ZNF268: variants seen among roughly 807,000 people sequenced by gnomAD.
The protein encoded by ZNF268 is zinc finger protein 268.
In ZNF268, 20 loss-of-function variants were observed where a neutral mutation model predicts 29.3. The observed-to-expected ratio is 0.68, with a 90% confidence interval of 0.48 to 0.99. The LOEUF is 0.99. Among genes scored for constraint, ZNF268 ranks in the 50% least tolerant of loss-of-function variants. ZNF268 has a pLI of 0.00. For synonymous variants in ZNF268, 429 were observed against 376.9 expected (o/e 1.14, Z -1.60); for missense variants, 1,240 against 1,121.6 (o/e 1.11, Z -1.51).
chr12:133,182,506 AAGAC>A (rs1317954686), intron 2 of ZNF268, among the ~76,000 whole-genome samples: 1 of 152,168 alleles, frequency 6.6e-6, no homozygotes, highest in Non-Finnish European at 1.5e-5. Context: ...GTGGATAAGA[AAGAC>A]AATGACAAGT....
chr12:133,193,284 G>A (rs1956517991), intron 5 of ZNF268: 2 of 475,646 alleles, frequency 4.2e-6, no homozygotes, highest in Non-Finnish European at 7.5e-6. Flanking sequence ...AGTGAACTAT[G>A]GTTGTGCCAC....
rs1331715035 is a variant in ZNF268 at position 133,204,026 on chromosome 12, T to C, written c.2340T>C (p.Tyr780=). ...GAACTCATGCAGGGGAAAAGCCTTA[T>C]GGGTGCAGTGAATGTGGGAAAGCTT... The part of the protein sequence containing the change: ...HQRTHAGEKP[Y]GCSECGKAFS... Residue 780 remains tyrosine (Y), a synonymous_variant, in exon 6 of 6, where the codon TAT becomes TAC. Transcript: ENST00000536435. 8 of 1,573,710 alleles carry C rather than the reference T, an allele frequency of 5.1e-6. No individual in the cohort carries two copies. The highest frequency in any genetic ancestry group is 8.6e-7 in the Non-Finnish European group (1 of 1,162,598).
In ZNF268 at chr12:133,208,760, G is replaced by T. The variant is rs1956940842; in HGVS notation, c.*4230G>T. On this transcript the variant is annotated 3_prime_UTR_variant, in exon 6 of 6. Coordinates refer to ENST00000536435, the MANE Select transcript of ZNF268 (RefSeq NM_003415.3). Reference sequence around the variant, plus strand: ...ATGTGAGGAATTAGGGATGGGTGCAGAAACAACTGCCATGAATTGGAGATG... The same window carrying T: ...ATGTGAGGAATTAGGGATGGGTGCATAAACAACTGCCATGAATTGGAGATG... 6.6e-6 allele frequency: 1 copy of T among 152,156 alleles called. No individual in the cohort carries two copies. Among genetic ancestry groups the T allele is most frequent in the Non-Finnish European group, 1.5e-5 (1 of 68,036 alleles). The allele number at this position is 152,156 out of a possible 1,614,324, so 9.4% of individuals were successfully genotyped here.
chr12:133,202,844 A>C lies in ZNF268; in HGVS notation c.1158A>C (p.Lys386Asn). The C allele has an allele frequency of 6.3e-7, 1 of 1,588,580 alleles. No homozygotes were observed. Among genetic ancestry groups the C allele is most frequent in the South Asian group, 1.1e-5 (1 of 89,136 alleles). Residue 386 changes from lysine to asparagine, a missense_variant, in exon 6 of 6, where the codon AAA (lysine) becomes AAC (asparagine). Lys to Asn is a moderately conservative substitution (Grantham distance 94). Around this residue, in one of 3 missense-constraint regions of ZNF268, gnomAD observed 1,177 missense variants for 1,039.6 expected, o/e 1.13. Transcript: ENST00000536435. ...ACCAGAAAACTCATTCAGGACAGAA[A>C]CCATATGTGTGTAATGAATGTGGGA... ...VSHQKTHSGQKPYVCNECGKA... is the reference protein window; with the variant it reads ...VSHQKTHSGQNPYVCNECGKA...
intron 2 of ZNF268, among the ~76,000 whole-genome samples, chr12:133,183,449 G>A (rs1011826881): frequency 1.3e-5 from 2 of 151,292 alleles, no homozygotes; most frequent in Non-Finnish European, 2.9e-5. Context: ...GCAGTCAGCC[G>A]AGATCGCGCC....
intron 3 of ZNF268, among the ~76,000 whole-genome samples, chr12:133,190,129 A>G (rs185778241): frequency 5.3e-4 from 81 of 152,268 alleles, no homozygotes; most frequent in Non-Finnish European, 6.3e-4. Context: ...GTTTTTGAGT[A>G]AGTTTGGTAA....
chr12:133,204,314 T>G lies in ZNF268; in HGVS notation c.2628T>G (p.Asn876Lys), dbSNP rs1267064932. 2 of 1,560,570 alleles carry G rather than the reference T, an allele frequency of 1.3e-6. No individual in the cohort carries two copies. Among genetic ancestry groups the G allele is most frequent in the Admixed American group, 1.9e-5 (1 of 52,594 alleles). ...CSECGKAFIRNSQLIVHQRTH... is the reference protein window; with the variant it reads ...CSECGKAFIRKSQLIVHQRTH... ...AGTGTGGAAAAGCCTTCATTAGGAA[T>G]TCTCAACTCATTGTACATCAAAGAA... Residue 876 changes from asparagine (N) to lysine (K), a missense_variant, in exon 6 of 6, where the codon AAT becomes AAG. Transcript: ENST00000536435.
Position 133,212,523 on chromosome 12 carries a change from A to ACACG in ZNF268, c.*7995_*7996insCGCA, listed in dbSNP as rs1366034970. 1 of 144,082 alleles carries ACACG rather than the reference A, an allele frequency of 6.9e-6. No individual in the cohort carries two copies. The highest frequency in any genetic ancestry group is 1.5e-5 in the Non-Finnish European group (1 of 66,228). 8.9% of individuals were successfully genotyped at this position (144,082 alleles called of 1,614,324 possible). On this transcript the variant is annotated 3_prime_UTR_variant, in exon 6 of 6. Coordinates refer to ENST00000536435, the MANE Select transcript of ZNF268 (RefSeq NM_003415.3). ...TGTATATATACACACACACATACAC[A>ACACG]CATATATACACATATATATACACAT...
In ZNF268 at chr12:133,202,430, CTG is replaced by C; in HGVS notation, c.747_748del (p.Cys249Ter). 1 of 1,610,762 alleles carries C rather than the reference CTG, an allele frequency of 6.2e-7. No homozygotes were observed. Among genetic ancestry groups the C allele is most frequent in the Non-Finnish European group, 8.5e-7 (1 of 1,178,250 alleles). ...HEQTVIGIKY[C>X]ESIESGKTVN... The stretch of plus-strand genomic sequence containing the variant: ...AGCAAACTGTTATTGGAATAAAATA[CTG>C]TGAAAGTATTGAATCTGGAAAAACC... On this transcript the variant is annotated frameshift_variant, in exon 6 of 6. Transcript: ENST00000536435. LOFTEE classifies it low-confidence loss of function (END_TRUNC).
At position 133,212,506 on chromosome 12, in the gene ZNF268, T is replaced by TAC. The variant is rs1329175211; in HGVS notation, c.*7986_*7987dup. The TAC allele has an allele frequency of 2.4e-5, 1 of 41,946 alleles. No individual in the cohort carries two copies. The highest frequency in any genetic ancestry group is 5.1e-5 in the Non-Finnish European group (1 of 19,600). The allele number at this position is 41,946 out of a possible 1,614,324, so 2.6% of individuals were successfully genotyped here. A position where few individuals can be genotyped will look rare whatever the true frequency, so the allele number is the denominator to read the frequency against. On this transcript the variant is annotated 3_prime_UTR_variant, in exon 6 of 6. Transcript: ENST00000536435. ...ATATATATATATATATATGTATATA[T>TAC]ACACACACACATACACACATATATA...
At position 133,181,959 on chromosome 12, in the gene ZNF268, C is replaced by T. The variant is rs935898734; in HGVS notation, c.-39C>T. 4.5e-6 allele frequency: 7 copies of T among 1,555,460 alleles called. No homozygotes were observed. Among genetic ancestry groups the T allele is most frequent in the Non-Finnish European group, 5.2e-6 (6 of 1,148,920 alleles). On this transcript the variant is annotated 5_prime_UTR_variant, in exon 2 of 6. Coordinates refer to ENST00000536435, the MANE Select transcript of ZNF268 (RefSeq NM_003415.3). ...TCTCTCTTCTAGCATCCCTCGCGTC[C>T]TGTCACTTCCAGCGAGGCACACAAA...
intron 5 of ZNF268, chr12:133,193,386 G>A: frequency 1.6e-6 from 1 of 615,724 alleles, no homozygotes; most frequent in Non-Finnish European, 2.9e-6. Flanking sequence ...AAATACTATA[G>A]ACTAGGTAAT....
At position 133,203,302 on chromosome 12, in the gene ZNF268, T is replaced by G; in HGVS notation, c.1616T>G (p.Phe539Cys). 1.3e-6 allele frequency: 2 copies of G among 1,540,988 alleles called. No individual in the cohort carries two copies. Among genetic ancestry groups the G allele is most frequent in the Non-Finnish European group, 1.7e-6 (2 of 1,147,792 alleles). ...ECNNCGKAFS[F>C]KSQLIIHQRI... ...AACAATTGTGGGAAAGCCTTCAGTT[T>G]TAAATCACAGCTCATTATACATCAG... is the stretch of plus-strand genomic sequence containing the variant. The change falls in exon 6 of 6, where the codon TTT becomes TGT. Residue 539 changes from phenylalanine (F) to cysteine (C), a missense_variant. Physicochemically the swap from Phe to Cys is radical, Grantham distance 205. Around this residue, in one of 3 missense-constraint regions of ZNF268, gnomAD observed 1,177 missense variants for 1,039.6 expected, o/e 1.13. Coordinates refer to ENST00000536435, the MANE Select transcript of ZNF268 (RefSeq NM_003415.3).
intron 3 of ZNF268, among the ~76,000 whole-genome samples, chr12:133,190,194 C>T (rs1034947935): frequency 2.9e-4 from 44 of 152,160 alleles, no homozygotes; most frequent in African/African-American, 9.4e-4. Flanking sequence ...AATTTATGTG[C>T]GCAGAGCAGT....
rs2135498390 is a variant in ZNF268 at position 133,191,948 on chromosome 12, A to T, written c.402A>T (p.Glu134Asp). ...HTKPDIIFKL[E>D]QGEELCMVQA... ...AACCTGATATCATCTTCAAGTTGGA[A>T]CAAGGAGAAGAGCTGTGTATGGTGC... The change falls in exon 5 of 6, where the codon GAA (glutamate) becomes GAT (aspartate). Residue 134 changes from glutamate to aspartate, a missense_variant. This residue lies in a region of ZNF268 where 1,177 missense variants were observed against 1,039.6 expected (regional missense o/e 1.13). Transcript: ENST00000536435. 1 of 1,614,118 alleles carries T rather than the reference A, an allele frequency of 6.2e-7. No homozygotes were observed. The highest frequency in any genetic ancestry group is 2.2e-5 in the East Asian group (1 of 44,876).
intron 3 of ZNF268, among the ~76,000 whole-genome samples, chr12:133,190,847 C>T (rs1956449901): frequency 6.6e-6 from 1 of 152,124 alleles, no homozygotes; most frequent in Non-Finnish European, 1.5e-5. Flanking sequence ...GTGCTAAAAG[C>T]TTCTTGGTGG....
chr12:133,202,136 A>T lies in ZNF268; in HGVS notation c.458-8A>T. Reference sequence around the variant, plus strand: ...TTATAACATGTGACCAATTGTTCTCATTTCTAGACACAGTCTGGAAAATTG... The same window carrying T: ...TTATAACATGTGACCAATTGTTCTCTTTTCTAGACACAGTCTGGAAAATTG... On this transcript the variant is annotated splice_polypyrimidine_tract_variant and splice_region_variant and intron_variant, in intron 5 of 5. Coordinates refer to ENST00000536435, the MANE Select transcript of ZNF268 (RefSeq NM_003415.3). The T allele has an allele frequency of 6.4e-7, 1 of 1,554,412 alleles. No individual in the cohort carries two copies. Among genetic ancestry groups the T allele is most frequent in the African/African-American group, 1.4e-5 (1 of 72,550 alleles).
intron 5 of ZNF268, among the ~76,000 whole-genome samples, chr12:133,201,930 GTT>G (rs1956760185): frequency 6.6e-6 from 1 of 151,920 alleles, no homozygotes; most frequent in African/African-American, 2.4e-5. Flanking sequence ...GTACCCAGTA[GTT>G]TGAGTGTTTT....
intron 5 of ZNF268, chr12:133,193,512 C>A: frequency 1.4e-6 from 1 of 696,236 alleles, no homozygotes. Flanking sequence ...AAGATGACGC[C>A]TTGTTGCTGC....
Sources: allele counts gnomAD v4.1 joint callset (sites outside exome capture counted in the v4.1 genomes callset), GRCh38; gene constraint gnomAD v4.1.1; regional missense constraint gnomAD v4.1.1; transcripts MANE v1.5; gene names NCBI Gene and HGNC (gene_info 2026-07-23, HGNC 2026-07-21).